The following LOXHD1 variants were observed in gnomAD, a reference collection of about 807,000 sequenced individuals.
LOXHD1 encodes lipoxygenase homology domain-containing protein 1.
LOXHD1 carries 205 observed loss-of-function variants against 248.2 expected under a neutral mutation model. The observed-to-expected ratio is 0.83, with a 90% CI of 0.74 to 0.93. The LOEUF (loss-of-function observed/expected upper bound fraction) is 0.93, where lower values mean the gene tolerates loss of function less well. LOXHD1 is among the 40% of genes least tolerant of loss of function. The probability of loss-of-function intolerance (pLI) is 0.00; values close to 1 mark genes in which losing one functional copy is unlikely to be tolerated. For missense variants in LOXHD1, 2,930 were observed against 2,971.6 expected (o/e 0.99, Z 0.33); for synonymous variants, 1,113 against 1,162.8 (o/e 0.96, Z 0.87).
chr18:46,517,702 T>G (rs2035332634), intron 34 of LOXHD1, among the ~76,000 whole-genome samples: 1 of 152,194 alleles, frequency 6.6e-6, no homozygotes. Context: ...ATATTTTATT[T>G]TGTAATCATT....
intron 4 of LOXHD1, among the ~76,000 whole-genome samples, chr18:46,623,263 A>G (rs572203385): frequency 4.0e-4 from 61 of 152,316 alleles, no homozygotes; most frequent in Non-Finnish European, 2.6e-4. Context: ...GTGTCTCCTT[A>G]CATAGTCGCA....
At chr18:46,637,742 C>T (rs1599067406) in intron 4 of LOXHD1, among the ~76,000 whole-genome samples, 1 of 152,216 alleles carries the variant, frequency 6.6e-6, no homozygotes, top group South Asian at 2.1e-4. Context: ...ACTGGATAAT[C>T]AAACAATACT....
chr18:46,506,571 A>G (rs1327943298), intron 36 of LOXHD1, among the ~76,000 whole-genome samples: 4 of 152,212 alleles, frequency 2.6e-5, no homozygotes, highest in Non-Finnish European at 5.9e-5. Context: ...CAATGAATTT[A>G]TTATTTTCTG....
chr18:46,518,763 C>T (rs1330533252), intron 33 of LOXHD1: 6 of 504,162 alleles, frequency 1.2e-5, no homozygotes, highest in Non-Finnish European at 1.5e-5. Flanking sequence ...GCTGAGCCTG[C>T]CACCTGTGCA....
At chr18:46,542,002 A>C in intron 24 of LOXHD1, 62 bp from the exon 25 acceptor site, 3 of 1,464,564 alleles carry the variant, frequency 2.0e-6, no homozygotes, top group Non-Finnish European at 2.7e-6. Context: ...TCCTGTGGGT[A>C]ACTTCAGGGA....
At chr18:46,572,200 G>T in intron 14 of LOXHD1, 38 bp from the exon 15 acceptor site, 1 of 1,518,972 alleles carries the variant, frequency 6.6e-7, no homozygotes, top group Non-Finnish European at 9.0e-7. Context: ...TCTTTGGGTG[G>T]AGCAGGCAGA....
chr18:46,506,827 A>G (rs1193922974), intron 36 of LOXHD1, among the ~76,000 whole-genome samples: 2 of 152,210 alleles, frequency 1.3e-5, no homozygotes, highest in African/African-American at 4.8e-5. Context: ...TTCACCATTT[A>G]TAATTAATGT....
intron 2 of LOXHD1, among the ~76,000 whole-genome samples, chr18:46,646,969 G>A (rs752358429): frequency 2.0e-5 from 3 of 152,190 alleles, no homozygotes; most frequent in South Asian, 2.1e-4. Flanking sequence ...CTGGAACTCC[G>A]AACTGTGTCC....
chr18:46,545,358 G>A lies in LOXHD1; in HGVS notation c.3578C>T (p.Ala1193Val). The A allele has an allele frequency of 3.2e-6, 5 of 1,551,970 alleles. No homozygotes were observed. Among genetic ancestry groups the A allele is most frequent in the Non-Finnish European group, 4.4e-6 (5 of 1,147,040 alleles). ...GCCAAAGAGTGTGATGAAGACATTA[G>A]CATCTGTGCCCGCATTCTTCTTAAC... ...TGVKKNAGTD[A>V]NVFITLFGTQ... The change falls in exon 23 of 41, where the codon GCT (alanine) becomes GTT (valine). Residue 1193 changes from alanine (A) to valine (V), a missense_variant. By Grantham distance (64) the Ala-to-Val change is moderately conservative. Coordinates refer to ENST00000642948, the MANE Select transcript of LOXHD1 (RefSeq NM_001384474.1).
chr18:46,643,359 G>T (rs1037340433), intron 2 of LOXHD1, among the ~76,000 whole-genome samples: 2 of 152,110 alleles, frequency 1.3e-5, no homozygotes, highest in Non-Finnish European at 2.9e-5. Context: ...AAAGTGCCCA[G>T]AGTTTCTACT....
At chr18:46,562,980 G>A in intron 18 of LOXHD1, 85 bp downstream of exon 18, 1 of 1,450,132 alleles carries the variant, frequency 6.9e-7, no homozygotes, top group Non-Finnish European at 9.3e-7. Context: ...GGTGAGTATT[G>A]ACTGAGGAAA....
chr18:46,571,506 A>G (rs1052808558), intron 15 of LOXHD1, among the ~76,000 whole-genome samples: 2 of 152,140 alleles, frequency 1.3e-5, no homozygotes, highest in African/African-American at 4.8e-5. Context: ...AAATATCTTC[A>G]GCTCTTCCGG....
intron 20 of LOXHD1, chr18:46,559,235 G>A: frequency 2.0e-6 from 3 of 1,505,864 alleles, no homozygotes; most frequent in South Asian, 2.4e-5. Context: ...GCTGGCCCAT[G>A]GGCTCTAGGT....
At chr18:46,650,677 A>G (rs1239900661) in intron 1 of LOXHD1, among the ~76,000 whole-genome samples, 1 of 151,370 alleles carries the variant, frequency 6.6e-6, no homozygotes, top group Non-Finnish European at 1.5e-5. Context: ...CATTCCACAG[A>G]GGGCACAAGT....
At chr18:46,630,193 G>C (rs568856756) in intron 4 of LOXHD1, among the ~76,000 whole-genome samples, 1 of 152,316 alleles carries the variant, frequency 6.6e-6, no homozygotes, top group East Asian at 1.9e-4. Context: ...GTTGTGCTGG[G>C]TTCTGACAGC....
intron 5 of LOXHD1, among the ~76,000 whole-genome samples, chr18:46,616,497 A>C (rs555838287): frequency 2.0e-5 from 3 of 152,306 alleles, no homozygotes; most frequent in Admixed American, 6.5e-5. Context: ...GATGTTAGTC[A>C]TCATTTTTGT....
intron 21 of LOXHD1, among the ~76,000 whole-genome samples, chr18:46,549,144 A>C (rs1373008333): frequency 6.6e-6 from 1 of 152,180 alleles, no homozygotes; most frequent in Non-Finnish European, 1.5e-5. Context: ...TCTGGATACC[A>C]GGGAGGGGAC....
intron 21 of LOXHD1, among the ~76,000 whole-genome samples, chr18:46,548,311 G>C (rs1293001051): frequency 1.3e-5 from 2 of 148,214 alleles, no homozygotes; most frequent in African/African-American, 2.5e-5. Flanking sequence ...AGTCTGGAGA[G>C]GTAGGGGCAG....
chr18:46,488,036 T>G (rs2033191561), intron 38 of LOXHD1, among the ~76,000 whole-genome samples: 2 of 152,240 alleles, frequency 1.3e-5, no homozygotes, highest in South Asian at 4.1e-4. Context: ...CTAGCTGAAC[T>G]GTCTGGTGAA....
Sources: allele counts gnomAD v4.1 joint callset (sites outside exome capture counted in the v4.1 genomes callset), GRCh38; gene constraint gnomAD v4.1.1; transcripts MANE v1.5; gene names NCBI Gene and HGNC (gene_info 2026-07-23, HGNC 2026-07-21).